The following ZNF804B variants were observed in gnomAD, a reference collection of about 807,000 sequenced individuals.
ZNF804B encodes zinc finger protein 804B.
ZNF804B carries 80 observed loss-of-function variants against 101.4 expected under a neutral mutation model. The observed-to-expected ratio is 0.79, with a 90% CI of 0.66 to 0.95. The LOEUF is 0.95. Ranked by LOEUF, ZNF804B falls within the 40% of genes least tolerant of loss-of-function variation. ZNF804B has a pLI of 0.00. For synonymous variants in ZNF804B, 622 were observed against 558.8 expected (o/e 1.11, Z -1.59); for missense variants, 1,673 against 1,561.9 (o/e 1.07, Z -1.20).
At chr7:88,796,771 G>A (rs1266280968) in intron 1 of ZNF804B, among the ~76,000 whole-genome samples, 1 of 152,060 alleles carries the variant, frequency 6.6e-6, no homozygotes, top group Non-Finnish European at 1.5e-5. Context: ...GTGAGGGCAG[G>A]TAAGTGGTCC....
At chr7:89,293,744 G>C (rs969876885) in intron 2 of ZNF804B, among the ~76,000 whole-genome samples, 1 of 151,436 alleles carries the variant, frequency 6.6e-6, no homozygotes, top group Admixed American at 6.6e-5. Context: ...AGCCGAGATT[G>C]TGCCACTGCA....
At chr7:88,821,362 A>G (rs528486248) in intron 1 of ZNF804B, among the ~76,000 whole-genome samples, 15 of 152,316 alleles carry the variant, frequency 9.8e-5, no homozygotes, top group Middle Eastern at 3.4e-3. Context: ...TGATGAATCT[A>G]TATGTGACTT....
At chr7:88,880,715 A>G (rs1219955793) in intron 1 of ZNF804B, among the ~76,000 whole-genome samples, 2 of 152,132 alleles carry the variant, frequency 1.3e-5, no homozygotes, top group Admixed American at 1.3e-4. Context: ...AGACAAACCA[A>G]GGAAGAAAAT....
intron 1 of ZNF804B, among the ~76,000 whole-genome samples, chr7:89,061,979 T>C (rs1000840314): frequency 1.3e-5 from 2 of 151,986 alleles, no homozygotes; most frequent in East Asian, 3.9e-4. Flanking sequence ...TCCCAATTCC[T>C]AGGGGGTCAG....
intron 3 of ZNF804B, among the ~76,000 whole-genome samples, chr7:89,331,072 A>G (rs1790969729): frequency 6.6e-6 from 1 of 151,624 alleles, no homozygotes; most frequent in Non-Finnish European, 1.5e-5. Flanking sequence ...GAAAGGAAGA[A>G]CAATAGTATC....
chr7:89,001,009 T>C (rs936595798), intron 1 of ZNF804B, among the ~76,000 whole-genome samples: 1 of 147,052 alleles, frequency 6.8e-6, no homozygotes. Flanking sequence ...ATATATAATG[T>C]ATAGTATAAT....
At chr7:89,264,983 A>G (rs1161379878) in intron 2 of ZNF804B, among the ~76,000 whole-genome samples, 1 of 151,868 alleles carries the variant, frequency 6.6e-6, no homozygotes, top group Non-Finnish European at 1.5e-5. Flanking sequence ...CTCTTATATC[A>G]TATCTTTGTA....
intron 1 of ZNF804B, among the ~76,000 whole-genome samples, chr7:89,206,320 G>A (rs951595135): frequency 3.3e-5 from 5 of 152,202 alleles, no homozygotes; most frequent in African/African-American, 1.2e-4. Context: ...AATTTCTGCA[G>A]CCAGCTTGAA....
intron 1 of ZNF804B, among the ~76,000 whole-genome samples, chr7:89,048,119 C>T (rs1789140848): frequency 1.3e-5 from 2 of 152,080 alleles, no homozygotes; most frequent in Admixed American, 1.3e-4. Flanking sequence ...CCCCTGAGTT[C>T]CCAAAGTCCA....
At chr7:89,296,442 G>A (rs1790385660) in intron 2 of ZNF804B, among the ~76,000 whole-genome samples, 1 of 151,910 alleles carries the variant, frequency 6.6e-6, no homozygotes, top group Admixed American at 6.6e-5. Context: ...GTTATGTCTT[G>A]TTAGAGAGTC....
At chr7:89,301,620 C>T (rs1428071306) in intron 2 of ZNF804B, among the ~76,000 whole-genome samples, 11 of 151,786 alleles carry the variant, frequency 7.2e-5, no homozygotes. Context: ...TTTGTCTTTA[C>T]TCTTGCAGTC....
At chr7:88,785,540 C>T (rs1307791662) in intron 1 of ZNF804B, among the ~76,000 whole-genome samples, 1 of 152,098 alleles carries the variant, frequency 6.6e-6, no homozygotes, top group African/African-American at 2.4e-5. Flanking sequence ...GTATTTCTCT[C>T]ATAAAAATAA....
At chr7:89,054,338 A>G (rs1317554064) in intron 1 of ZNF804B, among the ~76,000 whole-genome samples, 1 of 148,766 alleles carries the variant, frequency 6.7e-6, no homozygotes, top group Non-Finnish European at 1.5e-5. Context: ...ATTATTTGAA[A>G]CCTTATATAT....
intron 1 of ZNF804B, among the ~76,000 whole-genome samples, chr7:88,766,721 T>G (rs1382070948): frequency 6.6e-6 from 1 of 152,222 alleles, no homozygotes; most frequent in Non-Finnish European, 1.5e-5. Context: ...ATGTACAAAG[T>G]TTCTTTCACA....
At chr7:88,957,735 C>T (rs1793330665) in intron 1 of ZNF804B, among the ~76,000 whole-genome samples, 1 of 151,102 alleles carries the variant, frequency 6.6e-6, no homozygotes, top group African/African-American at 2.4e-5. Context: ...TTAAATTCAA[C>T]TCTATACTGT....
At chr7:89,206,915 G>A (rs1788722393) in intron 1 of ZNF804B, among the ~76,000 whole-genome samples, 1 of 152,320 alleles carries the variant, frequency 6.6e-6, no homozygotes, top group Non-Finnish European at 1.5e-5. Context: ...CAGGAGCAAA[G>A]TGCTGCCAGT....
chr7:88,765,188 T>C (rs1562787632), intron 1 of ZNF804B, among the ~76,000 whole-genome samples: 1 of 152,144 alleles, frequency 6.6e-6, no homozygotes, highest in Non-Finnish European at 1.5e-5. Flanking sequence ...TATTTCATAA[T>C]TGAAATTAGA....
intron 1 of ZNF804B, among the ~76,000 whole-genome samples, chr7:88,915,090 G>A (rs189728536): frequency 6.6e-6 from 1 of 152,086 alleles, no homozygotes; most frequent in East Asian, 1.9e-4. Flanking sequence ...AATATTATGT[G>A]TATACTTTTA....
In ZNF804B at chr7:89,106,351, C is replaced by T; in HGVS notation, c.109-111804C>T. ...TACATATTTAAAGGAGTTTTTTATA[C>T]TTTAAAAGATTGGGCACCAGTGTTT... On this transcript the variant is annotated intron_variant, in intron 1 of 3. Coordinates refer to ENST00000333190, the MANE Select transcript of ZNF804B (RefSeq NM_181646.5). Among the ~76,000 whole-genome samples, 2 of 152,056 alleles carry T rather than the reference C, an allele frequency of 1.3e-5. 1 individual carries two copies. The highest frequency in any genetic ancestry group is 2.9e-5 in the Non-Finnish European group (2 of 67,996).
Sources: gnomAD v4.1 joint callset for allele counts (sites outside exome capture counted in the v4.1 genomes callset) on GRCh38, gnomAD v4.1.1 for gene constraint, MANE v1.5 for transcripts, NCBI Gene and HGNC (gene_info 2026-07-23, HGNC 2026-07-21) for gene names.